Variants in KCNU1 observed in about 807,000 individuals in gnomAD.
The protein encoded by KCNU1 is potassium channel subfamily U member 1.
KCNU1 carries 93 observed loss-of-function variants against 126.8 expected under a neutral mutation model. That is an observed-to-expected ratio of 0.73 (90% CI 0.62 to 0.87). The LOEUF (loss-of-function observed/expected upper bound fraction) is 0.87, where lower values mean the gene tolerates loss of function less well. KCNU1 is among the 40% of genes least tolerant of loss of function. The probability of loss-of-function intolerance (pLI) is 0.00; values close to 1 mark genes in which losing one functional copy is unlikely to be tolerated. For missense variants in KCNU1, 1,330 were observed against 1,367.1 expected (o/e 0.97, Z 0.43); for synonymous variants, 523 against 494.2 (o/e 1.06, Z -0.77).
At chr8:36,871,843 TTGCA>T (rs1806114434) in intron 19 of KCNU1, among the ~76,000 whole-genome samples, 1 of 152,202 alleles carries the variant, frequency 6.6e-6, no homozygotes, top group Admixed American at 6.6e-5. Flanking sequence ...TAACTACTAT[TTGCA>T]TGCTTTTATT....
intron 9 of KCNU1, 37 bp downstream of exon 9, chr8:36,815,724 G>T: frequency 8.3e-7 from 1 of 1,207,690 alleles, no homozygotes; most frequent in Non-Finnish European, 1.2e-6. Flanking sequence ...TACAGTTTAA[G>T]AAATTCTATT....
intron 2 of KCNU1, 77 bp downstream of exon 2, chr8:36,787,502 T>G: frequency 2.9e-6 from 4 of 1,381,114 alleles, no homozygotes; most frequent in Non-Finnish European, 3.9e-6. Flanking sequence ...AATCAATTGA[T>G]TCCCTAGGTA....
intron 10 of KCNU1, among the ~76,000 whole-genome samples, chr8:36,818,424 T>C (rs566441826): frequency 6.6e-6 from 1 of 152,306 alleles, no homozygotes; most frequent in Admixed American, 6.5e-5. Context: ...TTCTACTCAA[T>C]ATATGTTGTT....
intron 10 of KCNU1, among the ~76,000 whole-genome samples, chr8:36,821,558 A>G (rs565705272): frequency 6.6e-6 from 1 of 152,292 alleles, no homozygotes; most frequent in East Asian, 1.9e-4. Flanking sequence ...AGCTGATTCT[A>G]TAAAGAGATG....
chr8:36,787,425 G>T lies in KCNU1; in HGVS notation c.315G>T (p.Leu105Phe). The change falls in exon 2 of 27, where the codon TTG becomes TTT. Residue 105 changes from leucine to phenylalanine, a missense_variant and splice_region_variant. This residue lies in a region of KCNU1 where 247 missense variants were observed against 255.4 expected (regional missense o/e 0.97). Coordinates refer to ENST00000399881, the MANE Select transcript of KCNU1 (RefSeq NM_001031836.3). ...CCCAGACCTTTGTGGGGCAAGTGTTGGTAAGTACATTTTCAGTGTTAGCTT... is the reference window on the plus strand; with the variant it reads ...CCCAGACCTTTGTGGGGCAAGTGTTTGTAAGTACATTTTCAGTGTTAGCTT... Reference protein sequence around the residue: ...LSAQTFVGQVLVILVFVLSIG... With the variant: ...LSAQTFVGQVFVILVFVLSIG... The T allele has an allele frequency of 6.2e-7, 1 of 1,604,996 alleles. No homozygotes were observed. Among genetic ancestry groups the T allele is most frequent in the African/African-American group, 1.3e-5 (1 of 74,856 alleles).
At chr8:36,899,032 GA>G (rs1807310016) in intron 19 of KCNU1, among the ~76,000 whole-genome samples, 2 of 152,082 alleles carry the variant, frequency 1.3e-5, no homozygotes, top group African/African-American at 4.8e-5. Flanking sequence ...GGGTGAGAAA[GA>G]GGGAAATTGT....
intron 2 of KCNU1, among the ~76,000 whole-genome samples, chr8:36,799,258 A>G (rs3900946): frequency 0.25 from 38,493 of 151,932 alleles, 6,020 homozygotes; most frequent in African/African-American, 0.43. Context: ...CAGATAACCC[A>G]TGTTTTTATA....
chr8:36,919,446 A>AC (rs1554518283), intron 23 of KCNU1, among the ~76,000 whole-genome samples: 2 of 147,786 alleles, frequency 1.4e-5, no homozygotes, highest in Admixed American at 6.8e-5. Flanking sequence ...AAAAAAAAAA[A>AC]CTCTCGAAGA....
chr8:36,881,796 T>TCTCACA (rs1161052925), intron 19 of KCNU1, among the ~76,000 whole-genome samples: 1 of 138,844 alleles, frequency 7.2e-6, no homozygotes, highest in Non-Finnish European at 1.6e-5. Flanking sequence ...AAAAGTCAAA[T>TCTCACA]CACACACACA....
At chr8:36,838,379 C>T (rs888603871) in intron 14 of KCNU1, among the ~76,000 whole-genome samples, 2 of 152,138 alleles carry the variant, frequency 1.3e-5, no homozygotes, top group African/African-American at 4.8e-5. Context: ...TAAAACCATC[C>T]TCTTGTATTT....
chr8:36,807,846 A>G (rs1803564679), intron 6 of KCNU1, among the ~76,000 whole-genome samples: 1 of 152,064 alleles, frequency 6.6e-6, no homozygotes, highest in African/African-American at 2.4e-5. Flanking sequence ...CAGGCATTGG[A>G]ATGTAAGACA....
intron 2 of KCNU1, chr8:36,795,842 G>C (rs1473051251): frequency 6.6e-6 from 1 of 152,200 alleles, no homozygotes; most frequent in East Asian, 1.9e-4. Context: ...TGTCAGTCTG[G>C]GTATCCCTGT....
intron 18 of KCNU1, among the ~76,000 whole-genome samples, chr8:36,853,978 G>A (rs185925230): frequency 1.3e-5 from 2 of 152,246 alleles, no homozygotes; most frequent in Admixed American, 6.5e-5. Flanking sequence ...TTGGAGGATA[G>A]TTTTGCTAAC....
At chr8:36,805,745 A>T (rs1803475167) in intron 4 of KCNU1, among the ~76,000 whole-genome samples, 1 of 152,172 alleles carries the variant, frequency 6.6e-6, no homozygotes, top group South Asian at 2.1e-4. Flanking sequence ...CCTGTTCTAG[A>T]TCTAGATTTC....
At position 36,935,587 on chromosome 8, in the gene KCNU1, C is replaced by T; in HGVS notation, c.3117C>T (p.Phe1039=). ...PSDLVFCAIP[F]STACYKRNEE... is the part of the protein sequence containing the mutation. ...ATCTTGTGTTTTGTGCCATACCCTT[C>T]AGCACTGCTTGTTATAAAAGGAATG... is the stretch of plus-strand genomic sequence containing the variant. Residue 1039 remains phenylalanine, a synonymous_variant, in exon 27 of 27, where the codon TTC becomes TTT. Coordinates refer to ENST00000399881, the MANE Select transcript of KCNU1 (RefSeq NM_001031836.3). The T allele has an allele frequency of 1.2e-6, 2 of 1,613,172 alleles. No individual in the cohort carries two copies. The highest frequency in any genetic ancestry group is 1.7e-6 in the Non-Finnish European group (2 of 1,179,354).
chr8:36,807,495 T>G, intron 6 of KCNU1, 45 bp downstream of exon 6: 6 of 1,382,132 alleles, frequency 4.3e-6, no homozygotes, highest in Non-Finnish European at 6.2e-6. Flanking sequence ...TAGTTTGGAT[T>G]AGAAAATGAA....
intron 19 of KCNU1, among the ~76,000 whole-genome samples, chr8:36,877,829 G>T (rs1206053952): frequency 6.6e-6 from 1 of 152,054 alleles, no homozygotes; most frequent in Non-Finnish European, 1.5e-5. Context: ...CCTTAACAAT[G>T]CCCGTTATCA....
In KCNU1 at chr8:36,833,657, G is replaced by A. The variant is rs780301823; in HGVS notation, c.1210G>A (p.Ala404Thr). Residue 404 changes from alanine to threonine, a missense_variant and splice_region_variant, in exon 11 of 27, where the codon GCG (alanine) becomes ACG (threonine). Coordinates refer to ENST00000399881, the MANE Select transcript of KCNU1 (RefSeq NM_001031836.3). ...GAAGTGGGAGGATCTGAGGCGAGTT[G>A]CGGTAAGATCTAGCTGTTTTTGTTC... The part of the protein sequence containing the change: ...AMKWEDLRRV[A>T]VESAEACLII... 2.5e-6 allele frequency: 4 copies of A among 1,593,396 alleles called. No individual in the cohort carries two copies. The highest frequency in any genetic ancestry group is 3.4e-6 in the Non-Finnish European group (4 of 1,161,648).
intron 18 of KCNU1, among the ~76,000 whole-genome samples, chr8:36,848,657 C>T (rs1805234954): frequency 6.6e-6 from 1 of 152,114 alleles, no homozygotes; most frequent in African/African-American, 2.4e-5. Flanking sequence ...ACATGGGAAC[C>T]TCAGTGGGTT....
Sources: allele counts gnomAD v4.1 joint callset (sites outside exome capture counted in the v4.1 genomes callset), GRCh38; gene constraint gnomAD v4.1.1; regional missense constraint gnomAD v4.1.1; transcripts MANE v1.5; gene names NCBI Gene and HGNC (gene_info 2026-07-23, HGNC 2026-07-21).